OTOGL: variants seen among roughly 807,000 people sequenced by gnomAD.
The protein encoded by OTOGL is otogelin-like protein.
OTOGL carries 285 observed loss-of-function variants against 318.5 expected under a neutral mutation model. That is an observed-to-expected ratio of 0.89 (90% CI 0.81 to 0.99). The LOEUF (loss-of-function observed/expected upper bound fraction) is 0.99. OTOGL is among the 50% of genes least tolerant of loss of function. The probability of loss-of-function intolerance (pLI) is 0.00; values close to 1 mark genes in which losing one functional copy is unlikely to be tolerated. For missense variants in OTOGL, 2,899 were observed against 2,845.6 expected (o/e 1.02, Z -0.43); for synonymous variants, 987 against 936.5 (o/e 1.05, Z -0.99).
intron 5 of OTOGL, 60 bp from the exon 6 acceptor site, chr12:80,219,754 T>A: frequency 9.3e-7 from 1 of 1,073,392 alleles, no homozygotes; most frequent in East Asian, 2.4e-5. Flanking sequence ...TCTTGACATA[T>A]TATGCTTAAA....
chr12:80,165,773 TA>T (rs1220820188), intron 1 of OTOGL, among the ~76,000 whole-genome samples: 2 of 152,232 alleles, frequency 1.3e-5, no homozygotes, highest in Non-Finnish European at 2.9e-5. Flanking sequence ...CTCCTTCTCT[TA>T]CCCCTTTAGG....
intron 52 of OTOGL, among the ~76,000 whole-genome samples, chr12:80,364,456 A>G (rs940486065): frequency 6.6e-6 from 1 of 152,204 alleles, no homozygotes; most frequent in Admixed American, 6.6e-5. Flanking sequence ...TAAAGTGTAC[A>G]GTTCAATGGC....
intron 11 of OTOGL, among the ~76,000 whole-genome samples, chr12:80,246,029 C>G (rs1880845356): frequency 6.7e-6 from 1 of 150,196 alleles, no homozygotes; most frequent in Non-Finnish European, 1.5e-5. Flanking sequence ...TGAGACTTTG[C>G]TGAAGTTGCT....
intron 13 of OTOGL, 43 bp from the exon 14 acceptor site, chr12:80,253,423 A>T: frequency 2.0e-6 from 3 of 1,499,052 alleles, no homozygotes; most frequent in Non-Finnish European, 2.8e-6. Flanking sequence ...TACAATCTTT[A>T]TTATTTCTTT....
chr12:80,301,282 C>G (rs1466208463), intron 27 of OTOGL, among the ~76,000 whole-genome samples: 1 of 152,084 alleles, frequency 6.6e-6, no homozygotes, highest in Non-Finnish European at 1.5e-5. Flanking sequence ...ATGTGTTGCC[C>G]TTGCTTATAA....
chr12:80,244,128 A>C (rs1420227475), intron 11 of OTOGL, among the ~76,000 whole-genome samples: 1 of 150,908 alleles, frequency 6.6e-6, no homozygotes, highest in Non-Finnish European at 1.5e-5. Context: ...ATGGTATCTA[A>C]GAAGCTATGG....
At chr12:80,161,313 T>C (rs1422991487) in intron 1 of OTOGL, among the ~76,000 whole-genome samples, 1 of 151,790 alleles carries the variant, frequency 6.6e-6, no homozygotes, top group Non-Finnish European at 1.5e-5. Flanking sequence ...AAACTGTAAC[T>C]AGGAGGAGGA....
Position 80,314,336 on chromosome 12 carries a change from G to T in OTOGL, c.3634+5G>T. 9.6e-7 allele frequency: 1 copy of T among 1,045,836 alleles called. No homozygotes were observed. Among genetic ancestry groups the T allele is most frequent in the Non-Finnish European group, 1.3e-6 (1 of 784,838 alleles). 64.8% of individuals were successfully genotyped at this position (1,045,836 alleles called of 1,614,324 possible). A position where few individuals can be genotyped will look rare whatever the true frequency, so the allele number is the denominator to read the frequency against. On this transcript the variant is annotated splice_donor_5th_base_variant and intron_variant, in intron 32 of 58. Transcript: ENST00000547103. ...ATTGTGAATACTACAATGAAGGTAT[G>T]TGACATTCAAATTAAAAATATCACT... is the stretch of plus-strand genomic sequence containing the variant.
Position 80,377,953 on chromosome 12 carries a change from C to G in OTOGL, c.6967C>G (p.Arg2323Gly), listed in dbSNP as rs749602353. ...CAAGTGTTGTCGTGAAAATGGAGTA[C>G]GAAACTTGTCTGTGCCTCTGTATTG... ...FCKCCRENGV[R>G]NLSVPLYCSG... The change falls in exon 59 of 59, where the codon CGA becomes GGA. Residue 2323 changes from arginine to glycine, a missense_variant. Transcript: ENST00000547103. 5.0e-6 allele frequency: 8 copies of G among 1,608,514 alleles called. No homozygotes were observed. The Admixed American group carries it at 5.1e-5, about 10-fold the overall frequency.
At chr12:80,126,251 G>T (rs1392910124) in intron 1 of OTOGL, among the ~76,000 whole-genome samples, 1 of 152,018 alleles carries the variant, frequency 6.6e-6, no homozygotes, top group African/African-American at 2.4e-5. Context: ...CTTTGTTCTC[G>T]TTGGTTTCAA....
chr12:80,173,532 T>A (rs982778392), intron 1 of OTOGL, among the ~76,000 whole-genome samples: 1 of 152,164 alleles, frequency 6.6e-6, no homozygotes, highest in African/African-American at 2.4e-5. Context: ...TTCATCGCCA[T>A]CTTGGTTTTG....
At chr12:80,287,075 C>T (rs1884688150) in intron 26 of OTOGL, among the ~76,000 whole-genome samples, 1 of 148,268 alleles carries the variant, frequency 6.7e-6, no homozygotes, top group Admixed American at 6.6e-5. Flanking sequence ...TAGCTGTGTC[C>T]CAGAGATTCT....
chr12:80,287,346 T>C (rs1318046639), intron 26 of OTOGL, among the ~76,000 whole-genome samples: 1 of 151,712 alleles, frequency 6.6e-6, no homozygotes, highest in Non-Finnish European at 1.5e-5. Context: ...ATAAGTGTGA[T>C]GTGGTGCTAA....
intron 52 of OTOGL, among the ~76,000 whole-genome samples, chr12:80,362,548 G>A (rs1474302555): frequency 6.6e-6 from 1 of 152,116 alleles, no homozygotes; most frequent in African/African-American, 2.4e-5. Flanking sequence ...AGGTTGCATT[G>A]AATCTGTAGA....
At chr12:80,366,873 G>T (rs955312031) in intron 53 of OTOGL, among the ~76,000 whole-genome samples, 7 of 151,762 alleles carry the variant, frequency 4.6e-5, no homozygotes, top group African/African-American at 7.3e-5. Context: ...AGGCCTCAGA[G>T]AATTTTACAG....
chr12:80,124,017 C>T (rs566784845), intron 1 of OTOGL, among the ~76,000 whole-genome samples: 84 of 152,146 alleles, frequency 5.5e-4, no homozygotes, highest in South Asian at 1.0e-3. Context: ...TAGTTTCTTT[C>T]GCTGTGCAGA....
chr12:80,367,429 A>G lies in OTOGL; in HGVS notation c.6332-132A>G, dbSNP rs1592765088. The G allele has an allele frequency of 1.4e-5, 8 of 576,902 alleles. No individual in the cohort carries two copies. The South Asian group carries it at 2.0e-4, about 15-fold the overall frequency. The allele number at this position is 576,902 out of a possible 1,614,324, so 35.7% of individuals were successfully genotyped here. ...TATTGGGCCATTAAAATACGTAAATATGAAGATCTTCATTAGTTTTGAAAA... is the reference window on the plus strand; with the variant it reads ...TATTGGGCCATTAAAATACGTAAATGTGAAGATCTTCATTAGTTTTGAAAA... On this transcript the variant is annotated intron_variant, in intron 53 of 58. Coordinates refer to ENST00000547103, the MANE Select transcript of OTOGL (RefSeq NM_001378609.3).
chr12:80,296,827 A>G lies in OTOGL; in HGVS notation c.2929A>G (p.Ser977Gly). ...ISDCQVFLIKSADDSDISVIA... is the reference protein window; with the variant it reads ...ISDCQVFLIKGADDSDISVIA... Reference sequence around the variant, plus strand: ...TAATAAAATATTTGTGACATTTCAGAGTGCAGATGATTCAGATATATCTGT... The same window carrying G: ...TAATAAAATATTTGTGACATTTCAGGGTGCAGATGATTCAGATATATCTGT... Residue 977 changes from serine to glycine, a missense_variant and splice_region_variant, in exon 27 of 59, where the codon AGT (serine) becomes GGT (glycine). Coordinates refer to ENST00000547103, the MANE Select transcript of OTOGL (RefSeq NM_001378609.3). 6.9e-7 allele frequency: 1 copy of G among 1,458,856 alleles called. No homozygotes were observed. Among genetic ancestry groups the G allele is most frequent in the Non-Finnish European group, 9.1e-7 (1 of 1,093,804 alleles). The allele number at this position is 1,458,856 out of a possible 1,614,324, so 90.4% of individuals were successfully genotyped here.
intron 32 of OTOGL, among the ~76,000 whole-genome samples, chr12:80,315,745 T>C (rs1886929267): frequency 1.3e-5 from 2 of 152,228 alleles, no homozygotes. Flanking sequence ...TTGATTTTAG[T>C]TGTATTTGTT....
Sources: allele counts gnomAD v4.1 joint callset (sites outside exome capture counted in the v4.1 genomes callset), GRCh38; gene constraint gnomAD v4.1.1; transcripts MANE v1.5; gene names NCBI Gene and HGNC (gene_info 2026-07-23, HGNC 2026-07-21).